The following ZXDC variants were observed in gnomAD, a reference collection of about 807,000 sequenced individuals.
ZXDC encodes the protein zinc finger protein ZXDC.
A neutral mutation model predicts 63.6 loss-of-function variants in ZXDC; 58 were observed. That is an observed-to-expected ratio of 0.91 (90% CI 0.74 to 1.13). ZXDC has a LOEUF of 1.13. ZXDC is among the 50% of genes most tolerant of loss of function. The probability of loss-of-function intolerance (pLI) is 0.00; values close to 1 mark genes in which losing one functional copy is unlikely to be tolerated. For synonymous variants in ZXDC, 561 were observed against 496.1 expected, an observed-to-expected ratio of 1.13 and a Z score of -1.74; for missense variants, 1,133 against 1,148.9, an observed-to-expected ratio of 0.99 and a Z score of 0.20.
At chr3:126,467,221 G>A (rs1241178913) in intron 4 of ZXDC, among the ~76,000 whole-genome samples, 7 of 152,148 alleles carry the variant, frequency 4.6e-5, no homozygotes, top group Admixed American at 2.6e-4. Context: ...CCTGCCGCAG[G>A]AGCTGCCCAG....
chr3:126,470,814 C>A, intron 4 of ZXDC, 81 bp downstream of exon 4: 1 of 1,577,012 alleles, frequency 6.3e-7, no homozygotes, highest in South Asian at 1.1e-5. Context: ...CTAACATTTA[C>A]CTTTAAACAA....
At chr3:126,454,056 A>G in intron 7 of ZXDC, 1 of 722,662 alleles carries the variant, frequency 1.4e-6, no homozygotes, top group East Asian at 1.5e-4. Context: ...CTACACATAT[A>G]TATATATATT....
intron 5 of ZXDC, 40 bp from the exon 6 acceptor site, chr3:126,462,260 T>C (rs990775721): frequency 2.6e-6 from 4 of 1,539,572 alleles, no homozygotes; most frequent in African/African-American, 2.7e-5. Context: ...CTTTATGACC[T>C]TGAAGACTGA....
intron 7 of ZXDC, among the ~76,000 whole-genome samples, chr3:126,445,580 T>G (rs763547886): frequency 6.0e-5 from 9 of 151,212 alleles, no homozygotes; most frequent in Non-Finnish European, 5.9e-5. Flanking sequence ...AGTTGCAGCC[T>G]CCCCGTTTTT....
intron 5 of ZXDC, among the ~76,000 whole-genome samples, chr3:126,462,541 C>T (rs999498104): frequency 6.6e-6 from 1 of 152,204 alleles, no homozygotes; most frequent in East Asian, 1.9e-4. Context: ...GTCAGGCCAA[C>T]TGGTAACAGC....
chr3:126,474,054 G>C (rs941533863), intron 1 of ZXDC, among the ~76,000 whole-genome samples: 2 of 150,336 alleles, frequency 1.3e-5, no homozygotes, highest in African/African-American at 4.9e-5. Flanking sequence ...GAAAGAACAG[G>C]CAGTGGACTT....
Position 126,438,714 on chromosome 3 carries a change from C to T in ZXDC, c.2491-253G>A, listed in dbSNP as rs199513005. The stretch of plus-strand genomic sequence containing the variant: ...CTCACATGTTCATATACCCATATGC[C>T]TTTTTACAGAAACAAAATCATCTTT... On this transcript the variant is annotated intron_variant, in intron 9 of 9. Transcript: ENST00000389709. Among the ~76,000 whole-genome samples the T allele has an allele frequency of 2.0e-5, 3 of 152,298 alleles. No homozygotes were observed. The East Asian group carries it at 5.8e-4, about 29-fold the overall frequency.
chr3:126,458,919 T>C (rs1289786410), intron 7 of ZXDC: 2 of 984,222 alleles, frequency 2.0e-6, no homozygotes, highest in Non-Finnish European at 2.4e-6. Flanking sequence ...AAACCGGCAA[T>C]TGTTATTTAT....
At chr3:126,439,517 C>G in intron 9 of ZXDC, 115 bp downstream of exon 9, 6 of 1,527,486 alleles carry the variant, frequency 3.9e-6, no homozygotes, top group Non-Finnish European at 5.3e-6. Context: ...ACCCACTGAG[C>G]CTCCCAAGCC....
Position 126,475,534 on chromosome 3 carries a change from C to A in ZXDC, c.332G>T (p.Gly111Val). 7.6e-7 allele frequency: 1 copy of A among 1,308,680 alleles called. No homozygotes were observed. The highest frequency in any genetic ancestry group is 3.6e-5 in the Admixed American group (1 of 27,522). 81.1% of individuals were successfully genotyped at this position (1,308,680 alleles called of 1,614,324 possible). Reference sequence around the variant, plus strand: ...GGGGGGGGCGGCCGGGCCGCTGGGGCCCTGCTCGGGGCGGCTCGCCAGGTT... The same window carrying A: ...GGGGGGGGCGGCCGGGCCGCTGGGGACCTGCTCGGGGCGGCTCGCCAGGTT... ...RVNLASRPEQ[G>V]PSGPAAPPGP... Residue 111 changes from glycine to valine, a missense_variant, in exon 1 of 10, where the codon GGC (glycine) becomes GTC (valine). Physicochemically the swap from Gly to Val is moderately radical, Grantham distance 109. Coordinates refer to ENST00000389709, the MANE Select transcript of ZXDC (RefSeq NM_025112.5).
At chr3:126,454,602 TGAAAG>T (rs1279963500) in intron 7 of ZXDC, 1 of 985,284 alleles carries the variant, frequency 1.0e-6, no homozygotes, top group African/African-American at 1.7e-5. Flanking sequence ...CTTCGTCTCT[TGAAAG>T]GAGAGGTGCC....
Position 126,475,065 on chromosome 3 carries a change from C to G in ZXDC, c.801G>C (p.Leu267=), listed in dbSNP as rs202140917. 153 of 1,605,624 alleles carry G rather than the reference C, an allele frequency of 9.5e-5. 1 individual carries two copies. The East Asian group carries it at 2.4e-3, about 25-fold the overall frequency. Residue 267 remains leucine, a synonymous_variant, in exon 1 of 10, where the codon CTG becomes CTC. Coordinates refer to ENST00000389709, the MANE Select transcript of ZXDC (RefSeq NM_025112.5). ...GCTCGGCGCACACCTCGCACTTGAA[C>G]AGGCTCTCCTGCTCGTGGCCCTTCA... The part of the protein sequence containing the change: ...AHMKGHEQES[L]FKCEVCAERF...
chr3:126,439,455 G>A (rs1460404175), intron 9 of ZXDC, among the ~76,000 whole-genome samples, 177 bp downstream of exon 9: 1 of 152,198 alleles, frequency 6.6e-6, no homozygotes, highest in African/African-American at 2.4e-5. Context: ...CTGCAGATCT[G>A]AGCTCCACTC....
Position 126,466,269 on chromosome 3 carries a change from C to T in ZXDC, c.1327G>A (p.Val443Met), listed in dbSNP as rs368301123. ...SSLYIHSKKH[V>M]QDVGAPKSRC... ...CTTTTCGGAGCACCCACATCCTGCA[C>T]GTGTTTCTTAGAGTGAATGTACAGA... Residue 443 changes from valine to methionine, a missense_variant, in exon 5 of 10, where the codon GTG becomes ATG. Transcript: ENST00000389709. The T allele has an allele frequency of 3.9e-5, 63 of 1,614,184 alleles. 1 individual carries two copies. The Middle Eastern group carries it at 8.2e-4, about 21-fold the overall frequency.
At chr3:126,456,805 G>C (rs942466300) in intron 7 of ZXDC, among the ~76,000 whole-genome samples, 2 of 152,194 alleles carry the variant, frequency 1.3e-5, no homozygotes, top group Non-Finnish European at 2.9e-5. Flanking sequence ...AGCATCTACT[G>C]CAAGATAGTT....
chr3:126,461,412 C>A, intron 6 of ZXDC, 123 bp downstream of exon 6: 2 of 1,438,072 alleles, frequency 1.4e-6, no homozygotes, highest in South Asian at 3.0e-5. Flanking sequence ...GACTTGTAGT[C>A]CAGGGCTGCG....
At position 126,472,288 on chromosome 3, in the gene ZXDC, T is replaced by C; in HGVS notation, c.925A>G (p.Ile309Val). 11 of 1,609,346 alleles carry C rather than the reference T, an allele frequency of 6.8e-6. No homozygotes were observed. The highest frequency in any genetic ancestry group is 9.4e-6 in the Non-Finnish European group (11 of 1,176,044). The change falls in exon 2 of 10, where the codon ATC (isoleucine) becomes GTC (valine). Residue 309 changes from isoleucine (I) to valine (V), a missense_variant. Coordinates refer to ENST00000389709, the MANE Select transcript of ZXDC (RefSeq NM_025112.5). ...TGGGAAAACAGGGCACTCACTGTGATAAATGTCTTCTCACAGCCTGAACAA... is the reference window on the plus strand; with the variant it reads ...TGGGAAAACAGGGCACTCACTGTGACAAATGTCTTCTCACAGCCTGAACAA... Reference protein sequence around the residue: ...CDFPGCEKTFITVSALFSHNR... With the variant: ...CDFPGCEKTFVTVSALFSHNR...
At chr3:126,448,559 A>G (rs1933969632) in intron 7 of ZXDC, among the ~76,000 whole-genome samples, 1 of 152,196 alleles carries the variant, frequency 6.6e-6, no homozygotes, top group African/African-American at 2.4e-5. Context: ...CCACACAGGC[A>G]TCCCGGGCAG....
intron 7 of ZXDC, among the ~76,000 whole-genome samples, chr3:126,444,964 AG>A (rs1461733258): frequency 6.6e-6 from 1 of 152,246 alleles, no homozygotes; most frequent in African/African-American, 2.4e-5. Flanking sequence ...CTTTTACAAC[AG>A]GAAAAAAGAT....
Sources: gnomAD v4.1 joint callset for allele counts (sites outside exome capture counted in the v4.1 genomes callset) on GRCh38, gnomAD v4.1.1 for gene constraint, MANE v1.5 for transcripts, NCBI Gene and HGNC (gene_info 2026-07-23, HGNC 2026-07-21) for gene names.